ENTHD1: variants seen among roughly 807,000 people sequenced by gnomAD.
ENTHD1 encodes the protein ENTH domain-containing protein 1.
ENTHD1 carries 23 observed loss-of-function variants against 39.1 expected under a neutral mutation model. That is an observed-to-expected ratio of 0.59 (90% CI 0.42 to 0.83). The LOEUF (loss-of-function observed/expected upper bound fraction) is 0.83. Among genes scored for constraint, ENTHD1 ranks in the 40% least tolerant of loss-of-function variants. ENTHD1 has a pLI of 0.00. For synonymous variants in ENTHD1, 230 were observed against 258.2 expected (o/e 0.89, Z 1.05); for missense variants, 624 against 705.4 (o/e 0.88, Z 1.31).
intron 5 of ENTHD1, among the ~76,000 whole-genome samples, chr22:39,770,866 T>C (rs1285234227): frequency 1.3e-5 from 2 of 152,284 alleles, no homozygotes; most frequent in African/African-American, 2.4e-5. Flanking sequence ...CATATCTGAA[T>C]TGCTTGGGAC....
chr22:39,857,438 C>T (rs1422228312), intron 3 of ENTHD1, among the ~76,000 whole-genome samples: 2 of 112,524 alleles, frequency 1.8e-5, no homozygotes, highest in Admixed American at 1.0e-4. Flanking sequence ...AGTGAAACTC[C>T]GTCTCAAAAA....
At chr22:39,807,657 A>T (rs867210075) in intron 5 of ENTHD1, among the ~76,000 whole-genome samples, 12 of 151,750 alleles carry the variant, frequency 7.9e-5, no homozygotes, top group South Asian at 2.1e-4. Context: ...TTCTCTCCTC[A>T]CTTGGTTTGG....
intron 5 of ENTHD1, among the ~76,000 whole-genome samples, chr22:39,780,741 A>T (rs1009537452): frequency 6.6e-6 from 1 of 152,172 alleles, no homozygotes; most frequent in Non-Finnish European, 1.5e-5. Flanking sequence ...GCTTGCGCCT[A>T]TAATCCCAGC....
At chr22:39,804,322 C>CA (rs1331138441) in intron 5 of ENTHD1, among the ~76,000 whole-genome samples, 3 of 151,696 alleles carry the variant, frequency 2.0e-5, no homozygotes, top group Non-Finnish European at 4.4e-5. Context: ...CCTGTCTCTA[C>CA]AAAAAAGTAA....
chr22:39,841,312 C>T (rs1393559074), intron 3 of ENTHD1, among the ~76,000 whole-genome samples: 1 of 152,180 alleles, frequency 6.6e-6, no homozygotes, highest in African/African-American at 2.4e-5. Flanking sequence ...GACTCTCAGA[C>T]TCAGATTTGC....
At chr22:39,790,541 C>G (rs117445495) in intron 5 of ENTHD1, among the ~76,000 whole-genome samples, 4,184 of 152,278 alleles carry the variant, frequency 0.027, 111 homozygotes, top group Non-Finnish European at 0.041. Flanking sequence ...ACTGGACAAG[C>G]CTCTATGACA....
intron 4 of ENTHD1, among the ~76,000 whole-genome samples, chr22:39,835,034 GCT>G (rs1294582937): frequency 6.6e-6 from 1 of 152,004 alleles, no homozygotes; most frequent in African/African-American, 2.4e-5. Context: ...CTTCATTGTG[GCT>G]CTGTTTACAC....
chr22:39,882,002 G>A (rs187061132), intron 2 of ENTHD1, among the ~76,000 whole-genome samples: 87 of 152,172 alleles, frequency 5.7e-4, no homozygotes, highest in African/African-American at 1.4e-3. Context: ...TAGATTACTC[G>A]GACCAAATAA....
At chr22:39,852,575 G>A (rs1351437189) in intron 3 of ENTHD1, among the ~76,000 whole-genome samples, 1 of 152,182 alleles carries the variant, frequency 6.6e-6, no homozygotes, top group Admixed American at 6.5e-5. Context: ...CACACATTGA[G>A]ATGGTAGAGC....
At chr22:39,747,757 C>A (rs1453788831) in intron 6 of ENTHD1, among the ~76,000 whole-genome samples, 1 of 151,934 alleles carries the variant, frequency 6.6e-6, no homozygotes, top group East Asian at 1.9e-4. Context: ...CTGGGATCAA[C>A]AGGTAGAACT....
At chr22:39,811,806 C>T (rs1454647640) in intron 5 of ENTHD1, among the ~76,000 whole-genome samples, 16 of 151,884 alleles carry the variant, frequency 1.1e-4, no homozygotes, top group Admixed American at 9.2e-4. Flanking sequence ...AGTGCAACCC[C>T]GTCTCTACTA....
chr22:39,814,064 T>C (rs2065714220), intron 5 of ENTHD1, among the ~76,000 whole-genome samples: 1 of 152,024 alleles, frequency 6.6e-6, no homozygotes, highest in South Asian at 2.1e-4. Flanking sequence ...AATAGAATGA[T>C]TGGATATCAT....
At chr22:39,784,576 ACACAC>A (rs1217629526) in intron 5 of ENTHD1, among the ~76,000 whole-genome samples, 1 of 151,602 alleles carries the variant, frequency 6.6e-6, no homozygotes, top group Non-Finnish European at 1.5e-5. Flanking sequence ...ACACACACAC[ACACAC>A]ACTAGAATAT....
chr22:39,818,927 A>C (rs1422730399), intron 5 of ENTHD1, among the ~76,000 whole-genome samples: 1 of 152,258 alleles, frequency 6.6e-6, no homozygotes, highest in Non-Finnish European at 1.5e-5. Context: ...CAGATGTTTA[A>C]AGCAGCTTAT....
At chr22:39,774,610 AC>A (rs949295739) in intron 5 of ENTHD1, among the ~76,000 whole-genome samples, 12 of 152,204 alleles carry the variant, frequency 7.9e-5, no homozygotes. Context: ...AGCCAGAGTG[AC>A]CTTTCTAAAA....
intron 3 of ENTHD1, among the ~76,000 whole-genome samples, chr22:39,857,072 TAGTC>T (rs935603683): frequency 1.4e-4 from 21 of 152,242 alleles, no homozygotes; most frequent in African/African-American, 4.6e-4. Context: ...TTTTTTAAAA[TAGTC>T]AAGTCATTCA....
intron 6 of ENTHD1, among the ~76,000 whole-genome samples, chr22:39,755,180 C>T (rs2065175623): frequency 1.3e-5 from 2 of 152,136 alleles, no homozygotes; most frequent in South Asian, 4.1e-4. Context: ...AGCACATATG[C>T]AGTCAACTAG....
At chr22:39,758,167 C>T (rs1031859383) in intron 6 of ENTHD1, among the ~76,000 whole-genome samples, 14 of 152,172 alleles carry the variant, frequency 9.2e-5, no homozygotes, top group Non-Finnish European at 1.9e-4. Context: ...GCCTGTTTGA[C>T]AGACTCTTTG....
At chr22:39,851,203 T>C (rs573077180) in intron 3 of ENTHD1, among the ~76,000 whole-genome samples, 4 of 152,364 alleles carry the variant, frequency 2.6e-5, no homozygotes, top group East Asian at 1.9e-4. Context: ...GGTACAGTAA[T>C]TAATTGTCAT....
Sources: allele counts gnomAD v4.1 joint callset (sites outside exome capture counted in the v4.1 genomes callset), GRCh38; gene constraint gnomAD v4.1.1; transcripts MANE v1.5; gene names NCBI Gene and HGNC (gene_info 2026-07-23, HGNC 2026-07-21).